The following TYW1 variants were observed in gnomAD, a reference collection of about 807,000 sequenced individuals.
The protein encoded by TYW1 is tRNA-yW synthesizing protein 1 homolog, also known as S-adenosyl-L-methionine-dependent tRNA 4-demethylwyosine synthase TYW1.
TYW1 carries 46 observed loss-of-function variants against 96.2 expected under a neutral mutation model. That is an observed-to-expected ratio of 0.48 (90% confidence interval 0.38 to 0.61). The LOEUF (loss-of-function observed/expected upper bound fraction) is 0.61, where lower values mean the gene tolerates loss of function less well. Ranked by LOEUF, TYW1 falls within the 20% of genes least tolerant of loss-of-function variation. The pLI is 0.00. For synonymous variants in TYW1, 274 were observed against 323.0 expected (o/e 0.85, Z 1.63); for missense variants, 684 against 909.6 (o/e 0.75, Z 3.19).
At chr7:67,071,563 A>G (rs1341177377) in intron 10 of TYW1, among the ~76,000 whole-genome samples, 2 of 150,628 alleles carry the variant, frequency 1.3e-5, no homozygotes, top group Non-Finnish European at 3.0e-5. Flanking sequence ...AGCAATTCTC[A>G]TTCCTCAGCC....
In TYW1 at chr7:67,050,040, C is replaced by T. The variant is rs1795307762; in HGVS notation, c.1076C>T (p.Ala359Val). 6 of 1,613,990 alleles carry T rather than the reference C, an allele frequency of 3.7e-6. No homozygotes were observed. The East Asian group carries it at 8.9e-5, about 24-fold the overall frequency. ...GAAAGAAGAGCTATGATAACTCCTG[C>T]TCTCCGAGAAGCCCTTACTAAACAA... is the stretch of plus-strand genomic sequence containing the variant. ...DGERRAMITPALREALTKQGY... is the reference protein window; with the variant it reads ...DGERRAMITPVLREALTKQGY... The change falls in exon 8 of 16, where the codon GCT (alanine) becomes GTT (valine). Residue 359 changes from alanine to valine, a missense_variant. Coordinates refer to ENST00000359626, the MANE Select transcript of TYW1 (RefSeq NM_018264.4).
At chr7:67,034,073 G>A (rs1403441989) in intron 7 of TYW1, among the ~76,000 whole-genome samples, 3 of 150,302 alleles carry the variant, frequency 2.0e-5, no homozygotes, top group African/African-American at 7.3e-5. Flanking sequence ...TCTTCTCTTT[G>A]TAGTTTCATT....
chr7:67,008,786 C>T (rs1269545685), intron 3 of TYW1, among the ~76,000 whole-genome samples: 1 of 152,126 alleles, frequency 6.6e-6, no homozygotes, highest in African/African-American at 2.4e-5. Flanking sequence ...CCTCAGCCTC[C>T]CGGGTAGCTG....
intron 7 of TYW1, among the ~76,000 whole-genome samples, chr7:67,040,642 T>C (rs1794986874): frequency 6.6e-6 from 1 of 152,030 alleles, no homozygotes; most frequent in East Asian, 1.9e-4. Context: ...CTCAGGAGTT[T>C]GAGACCAGCC....
chr7:67,018,820 G>T (rs191833552), intron 6 of TYW1, among the ~76,000 whole-genome samples: 4 of 151,848 alleles, frequency 2.6e-5, no homozygotes, highest in Admixed American at 6.6e-5. Context: ...GCCAGGTGTG[G>T]TGGCGGGCAC....
intron 13 of TYW1, among the ~76,000 whole-genome samples, chr7:67,160,494 ATTAAGGAC>A (rs140587175): frequency 0.27 from 40,675 of 148,322 alleles, 6,164 homozygotes; most frequent in African/African-American, 0.39. Context: ...AATGTGTTTT[ATTAAGGAC>A]TTAAGGACTT....
intron 8 of TYW1, among the ~76,000 whole-genome samples, chr7:67,051,770 G>T (rs1307601939): frequency 2.0e-5 from 3 of 147,188 alleles, no homozygotes. Context: ...TACCTGTGGC[G>T]ACTCCAAGGA....
At chr7:67,049,029 G>A (rs1217193013) in intron 7 of TYW1, among the ~76,000 whole-genome samples, 1 of 152,112 alleles carries the variant, frequency 6.6e-6, no homozygotes, top group Non-Finnish European at 1.5e-5. Context: ...ATAAAATAAA[G>A]GAGAAGGAAC....
At chr7:67,119,758 G>C (rs1797704280) in intron 13 of TYW1, among the ~76,000 whole-genome samples, 1 of 151,936 alleles carries the variant, frequency 6.6e-6, no homozygotes, top group African/African-American at 2.4e-5. Context: ...ACAATGTCTA[G>C]CATAGTACAC....
At chr7:67,073,497 T>C (rs1361361181) in intron 10 of TYW1, among the ~76,000 whole-genome samples, 4 of 152,094 alleles carry the variant, frequency 2.6e-5, no homozygotes, top group South Asian at 4.2e-4. Context: ...CCAGGCCGGG[T>C]GCAGTGGCTC....
chr7:67,040,218 A>C (rs1218721718), intron 7 of TYW1, among the ~76,000 whole-genome samples: 3 of 152,184 alleles, frequency 2.0e-5, no homozygotes, highest in African/African-American at 7.2e-5. Context: ...TTGGCCTCCC[A>C]AAGTGCTAGG....
rs553393098 is a variant in TYW1 at position 67,027,290 on chromosome 7, GA to G, written c.984+2274del. Among the ~76,000 whole-genome samples the G allele has an allele frequency of 3.4e-4, 51 of 152,022 alleles. No homozygotes were observed. The South Asian group carries it at 0.01, about 31-fold the overall frequency. ...ATGAGCGAGCTAAATGCTGAATGTT[GA>G]AAAAATCATATAGATAGTAGAATCA... On this transcript the variant is annotated intron_variant, in intron 7 of 15. Transcript: ENST00000359626.
chr7:67,206,664 T>A (rs891565913), intron 15 of TYW1, among the ~76,000 whole-genome samples: 2 of 140,978 alleles, frequency 1.4e-5, no homozygotes, highest in South Asian at 2.3e-4. Context: ...AATAAATAAA[T>A]AAAATGAAGC....
intron 11 of TYW1, among the ~76,000 whole-genome samples, chr7:67,093,247 A>T (rs1293474582): frequency 6.6e-6 from 1 of 152,224 alleles, no homozygotes; most frequent in African/African-American, 2.4e-5. Flanking sequence ...TTGAATGTGT[A>T]TGTTGGGCCT....
At chr7:67,133,075 A>G (rs1362950673) in intron 13 of TYW1, among the ~76,000 whole-genome samples, 1 of 152,144 alleles carries the variant, frequency 6.6e-6, no homozygotes, top group Non-Finnish European at 1.5e-5. Context: ...TATACTTAGG[A>G]GACTACTGCA....
chr7:67,238,288 A>T lies in TYW1; in HGVS notation c.1978-20A>T, dbSNP rs756241290. ...TAGGGATGTTTTTACTTCTGACTTG[A>T]CACATTTTTTTCTTTCCAGTTTAAA... On this transcript the variant is annotated intron_variant, in intron 15 of 15. Transcript: ENST00000359626. The T allele has an allele frequency of 6.3e-7, 1 of 1,592,944 alleles. No homozygotes were observed. The highest frequency in any genetic ancestry group is 8.6e-7 in the Non-Finnish European group (1 of 1,169,132).
At chr7:67,238,258 T>C in intron 15 of TYW1, 50 bp from the exon 16 acceptor site, 1 of 1,583,236 alleles carries the variant, frequency 6.3e-7, no homozygotes, top group Non-Finnish European at 8.6e-7. Context: ...TTCATTTTTT[T>C]TTTCTAGGGA....
chr7:67,014,039 G>A (rs967272952), intron 4 of TYW1, among the ~76,000 whole-genome samples: 4 of 151,970 alleles, frequency 2.6e-5, no homozygotes, highest in African/African-American at 9.7e-5. Flanking sequence ...CACCGCACCC[G>A]GCCTGTATTT....
intron 15 of TYW1, among the ~76,000 whole-genome samples, chr7:67,199,681 C>G (rs892661782): frequency 5.3e-5 from 8 of 152,252 alleles, no homozygotes; most frequent in African/African-American, 1.9e-4. Context: ...CTCTTTGTCC[C>G]AGTGGGTCAT....
Sources: gnomAD v4.1 joint callset for allele counts (sites outside exome capture counted in the v4.1 genomes callset) on GRCh38, gnomAD v4.1.1 for gene constraint, MANE v1.5 for transcripts, NCBI Gene and HGNC (gene_info 2026-07-23, HGNC 2026-07-21) for gene names.